GLIS1: variants seen among roughly 807,000 people sequenced by gnomAD.
The protein encoded by GLIS1 is GLIS family zinc finger 1.
A neutral mutation model predicts 63.8 loss-of-function variants in GLIS1; 24 were observed. That is an observed-to-expected ratio of 0.38 (90% CI 0.27 to 0.53). GLIS1 has a LOEUF of 0.53. Among genes scored for constraint, GLIS1 ranks in the 20% least tolerant of loss-of-function variants. The pLI is 0.85. For synonymous variants in GLIS1, 450 were observed against 482.5 expected, an observed-to-expected ratio of 0.93 and a Z score of 0.88; for missense variants, 1,036 against 1,074.1, an observed-to-expected ratio of 0.96 and a Z score of 0.50.
At chr1:53,619,092 G>A (rs1645514039) in intron 2 of GLIS1, among the ~76,000 whole-genome samples, 1 of 152,202 alleles carries the variant, frequency 6.6e-6, no homozygotes, top group Admixed American at 6.5e-5. Flanking sequence ...TCTTGGACCA[G>A]ACCTCTGCCT....
Position 53,662,625 on chromosome 1 carries a change from C to A in GLIS1, c.260-62347G>T, listed in dbSNP as rs143597326. ...GGCAGCTACAGGGGGCAGTTTCTAA[C>A]AGGCTTAGCCAACTCCATAAGGGCT... On this transcript the variant is annotated intron_variant, in intron 2 of 10. Transcript: ENST00000628545. Among the ~76,000 whole-genome samples the A allele has an allele frequency of 5.4e-4, 82 of 152,248 alleles. 1 individual carries two copies. Among genetic ancestry groups the A allele is most frequent in the African/African-American group, 1.9e-3 (77 of 41,542 alleles).
chr1:53,634,928 C>T (rs968560900), intron 2 of GLIS1, among the ~76,000 whole-genome samples: 15 of 152,142 alleles, frequency 9.9e-5, no homozygotes, highest in Non-Finnish European at 1.8e-4. Flanking sequence ...ATTCCTGCTC[C>T]CTGGGATCAC....
intron 2 of GLIS1, among the ~76,000 whole-genome samples, chr1:53,645,135 C>A (rs1274202340): frequency 6.6e-6 from 1 of 152,210 alleles, no homozygotes; most frequent in African/African-American, 2.4e-5. Context: ...GCCTCGGGGA[C>A]TTTGCAATTG....
At chr1:53,720,944 G>A (rs974579484) in intron 2 of GLIS1, among the ~76,000 whole-genome samples, 1 of 151,666 alleles carries the variant, frequency 6.6e-6, no homozygotes, top group African/African-American at 2.4e-5. Context: ...GCTGCAGTGG[G>A]CCGAGATCAC....
intron 2 of GLIS1, among the ~76,000 whole-genome samples, chr1:53,649,640 A>G (rs1216479764): frequency 6.6e-6 from 1 of 152,206 alleles, no homozygotes; most frequent in African/African-American, 2.4e-5. Flanking sequence ...GATATGTACC[A>G]TAGATTGAGG....
At chr1:53,595,019 A>G in intron 3 of GLIS1, 29 bp from the exon 4 acceptor site, 1 of 1,400,700 alleles carries the variant, frequency 7.1e-7, no homozygotes, top group Non-Finnish European at 9.2e-7. Flanking sequence ...AGAGGTCATG[A>G]GAGGCTGGGC....
At chr1:53,715,769 G>T (rs1008069449) in intron 2 of GLIS1, among the ~76,000 whole-genome samples, 1 of 152,124 alleles carries the variant, frequency 6.6e-6, no homozygotes, top group East Asian at 1.9e-4. Flanking sequence ...AGGCAGACAG[G>T]GTGACCAAAT....
At chr1:53,584,234 A>G (rs1228433449) in intron 4 of GLIS1, among the ~76,000 whole-genome samples, 1 of 152,216 alleles carries the variant, frequency 6.6e-6, no homozygotes, top group Non-Finnish European at 1.5e-5. Context: ...GGCACAGTCC[A>G]ATTTCCTTAC....
chr1:53,591,527 C>T (rs1484809694), intron 4 of GLIS1, among the ~76,000 whole-genome samples: 1 of 152,190 alleles, frequency 6.6e-6, no homozygotes, highest in Non-Finnish European at 1.5e-5. Context: ...ATTTTTATTA[C>T]CATTATCATT....
intron 2 of GLIS1, among the ~76,000 whole-genome samples, chr1:53,667,708 A>G (rs1557512022): frequency 6.6e-6 from 1 of 152,338 alleles, no homozygotes; most frequent in East Asian, 1.9e-4. Flanking sequence ...CCAAAGCATC[A>G]GCATCTGGTG....
rs940209617 is a variant in GLIS1, at chr1:53,639,126, T to G, written c.260-38848A>C. 6.6e-6 allele frequency among the ~76,000 whole-genome samples: 1 copy of G among 152,276 alleles called. No individual in the cohort carries two copies. Among genetic ancestry groups the G allele is most frequent in the Admixed American group, 6.5e-5 (1 of 15,304 alleles). On this transcript the variant is annotated intron_variant, in intron 2 of 10. Coordinates refer to ENST00000628545, the MANE Select transcript of GLIS1 (RefSeq NM_001367484.1). This position sits in a 1 kb window ranked among gnomAD's most constrained non-coding sequence, Gnocchi z 4.6. ...AGTCCTTATTCTGACTGAGCCTCAGTTTCCTCATCTGTAAAATGAGTCAAT... is the reference window on the plus strand; with the variant it reads ...AGTCCTTATTCTGACTGAGCCTCAGGTTCCTCATCTGTAAAATGAGTCAAT...
At chr1:53,701,087 G>A (rs1029854992) in intron 2 of GLIS1, among the ~76,000 whole-genome samples, 3 of 152,152 alleles carry the variant, frequency 2.0e-5, no homozygotes, top group Non-Finnish European at 4.4e-5. Context: ...TAACATTTTG[G>A]TACAAATTTC....
chr1:53,566,091 C>T (rs1022819954), intron 4 of GLIS1, among the ~76,000 whole-genome samples: 80 of 152,172 alleles, frequency 5.3e-4, no homozygotes, highest in African/African-American at 1.8e-3. Context: ...ATGATAACCT[C>T]AATAGACTTA....
intron 4 of GLIS1, among the ~76,000 whole-genome samples, chr1:53,593,814 G>C (rs147542986): frequency 1.3e-5 from 2 of 152,338 alleles, no homozygotes; most frequent in African/African-American, 4.8e-5. Flanking sequence ...TTTTCCAATC[G>C]CATGTGCACA....
chr1:53,619,489 A>G (rs1645518949), intron 2 of GLIS1, among the ~76,000 whole-genome samples: 1 of 152,212 alleles, frequency 6.6e-6, no homozygotes, highest in African/African-American at 2.4e-5. Context: ...TGTGCTAAAC[A>G]TTTCATCTAA....
rs1269745055 is a variant in GLIS1 at position 53,646,120 on chromosome 1, TG to T, written c.260-45843del. 3.3e-5 allele frequency among the ~76,000 whole-genome samples: 5 copies of T among 152,172 alleles called. No individual in the cohort carries two copies. Among genetic ancestry groups the T allele is most frequent in the Admixed American group, 6.5e-5 (1 of 15,274 alleles). On this transcript the variant is annotated intron_variant, in intron 2 of 10. Transcript: ENST00000628545. The surrounding 1 kb of genome is among the most constrained non-coding windows in gnomAD (Gnocchi z 4.2). ...GAATAAAGTTCAAAATCCACTAAAA[TG>T]GAATATATTGTTTAGGCACACATAG...
At chr1:53,629,561 C>T (rs1253398159) in intron 2 of GLIS1, among the ~76,000 whole-genome samples, 1 of 152,218 alleles carries the variant, frequency 6.6e-6, no homozygotes, top group Non-Finnish European at 1.5e-5. Context: ...TTCCACTCTT[C>T]CCCAGCGTGC....
chr1:53,586,533 G>T (rs1305523542), intron 4 of GLIS1, among the ~76,000 whole-genome samples: 1 of 152,170 alleles, frequency 6.6e-6, no homozygotes, highest in Non-Finnish European at 1.5e-5. Flanking sequence ...AGAACGGCCA[G>T]GACCATTCTG....
intron 2 of GLIS1, among the ~76,000 whole-genome samples, chr1:53,656,873 C>T (rs544707002): frequency 2.0e-5 from 3 of 152,344 alleles, no homozygotes; most frequent in East Asian, 1.9e-4. Flanking sequence ...AGAGGCATGC[C>T]GCCAGGCTAC....
Sources: allele counts gnomAD v4.1 joint callset (sites outside exome capture counted in the v4.1 genomes callset), GRCh38; gene constraint gnomAD v4.1.1; non-coding constraint Gnocchi (gnomAD v3.1); transcripts MANE v1.5; gene names NCBI Gene and HGNC (gene_info 2026-07-23, HGNC 2026-07-21).